Variants in G3BP2 observed in about 807,000 individuals in gnomAD.
G3BP2 encodes the protein G3BP stress granule assembly factor 2.
Under a neutral mutation model 56.7 loss-of-function variants are expected in G3BP2, and 11 were observed. The ratio of observed to expected loss-of-function variants is 0.19; its 90% CI spans 0.12 to 0.32. The LOEUF (loss-of-function observed/expected upper bound fraction) is 0.32. G3BP2 is among the 10% of genes least tolerant of loss of function. The pLI, the probability that G3BP2 is intolerant of heterozygous loss-of-function variation, is 1.00. For synonymous variants in G3BP2, 165 were observed against 191.6 expected, an observed-to-expected ratio of 0.86 and a Z score of 1.15; for missense variants, 340 against 610.9, an observed-to-expected ratio of 0.56 and a Z score of 4.67.
At chr4:75,667,886 T>C (rs775520484) in intron 1 of G3BP2, among the ~76,000 whole-genome samples, 1 of 152,134 alleles carries the variant, frequency 6.6e-6, no homozygotes, top group Non-Finnish European at 1.5e-5. Context: ...CGAAACTCTG[T>C]CTCAAAAAAC....
At chr4:75,661,128 A>C (rs1279325283) in intron 2 of G3BP2, among the ~76,000 whole-genome samples, 1 of 152,136 alleles carries the variant, frequency 6.6e-6, no homozygotes, top group African/African-American at 2.4e-5. Context: ...AGTTGGTCAA[A>C]CCCAAGATAT....
intron 1 of G3BP2, among the ~76,000 whole-genome samples, chr4:75,665,516 T>A (rs1179728028): frequency 6.6e-6 from 1 of 152,088 alleles, no homozygotes; most frequent in Non-Finnish European, 1.5e-5. Context: ...GACGTCGAAG[T>A]GGGCAGACTG....
upstream of G3BP2, among the ~76,000 whole-genome samples, chr4:75,676,731 T>C (rs1456115427): frequency 1.3e-5 from 2 of 152,244 alleles, no homozygotes; most frequent in Non-Finnish European, 1.5e-5. Context: ...TTGGCCTCAA[T>C]GCTTCCACTC....
In G3BP2 at chr4:75,645,423, T is replaced by C; in HGVS notation, c.*7A>G. 1.9e-6 allele frequency: 3 copies of C among 1,609,498 alleles called. No homozygotes were observed. Among genetic ancestry groups the C allele is most frequent in the Non-Finnish European group, 2.5e-6 (3 of 1,177,238 alleles). On this transcript the variant is annotated 3_prime_UTR_variant, in exon 12 of 12. Transcript: ENST00000359707. ...ACCACTGCCAAGACTTTGCCAACAG[T>C]GGAGCTTCAGCGACGCTGTCCTGTG...
Position 75,656,918 on chromosome 4 carries a change from C to A in G3BP2, c.442+6G>T, listed in dbSNP as rs201580410. ...TTCTATCTTCATATCTTCAAAGTAACCTCACCTTCATCAAGTTCAGGCTCA... is the reference window on the plus strand; with the variant it reads ...TTCTATCTTCATATCTTCAAAGTAAACTCACCTTCATCAAGTTCAGGCTCA... On this transcript the variant is annotated splice_donor_region_variant and intron_variant, in intron 5 of 11. Transcript: ENST00000359707. 14 of 1,317,476 alleles carry A rather than the reference C, an allele frequency of 1.1e-5. No individual in the cohort carries two copies. The East Asian group carries it at 2.3e-4, about 22-fold the overall frequency. 81.6% of individuals were successfully genotyped at this position (1,317,476 alleles called of 1,614,324 possible).
chr4:75,673,399 A>T lies in G3BP2; in HGVS notation c.-216T>A. 1 of 1,232,166 alleles carries T rather than the reference A, an allele frequency of 8.1e-7. No individual in the cohort carries two copies. The highest frequency in any genetic ancestry group is 3.2e-5 in the East Asian group (1 of 31,694). 76.3% of individuals were successfully genotyped at this position (1,232,166 alleles called of 1,614,324 possible). A position where few individuals can be genotyped will look rare whatever the true frequency, so the allele number is the denominator to read the frequency against. On this transcript the variant is annotated 5_prime_UTR_variant, in exon 1 of 12. In the 5' UTR this introduces an upstream ATG that the reference lacks. Transcript: ENST00000359707. ...GCGCCAGGCGCTGCGACGTGCGACA[A>T]GGACCACGGACGTCCCGCCCCCTTT...
intron 1 of G3BP2, among the ~76,000 whole-genome samples, chr4:75,667,581 T>C (rs1733152860): frequency 1.3e-5 from 2 of 152,110 alleles, no homozygotes; most frequent in South Asian, 4.1e-4. Flanking sequence ...AAATCCGTCT[T>C]TTACTTGTCA....
chr4:75,692,306 C>T (rs1175862703), intron 3 of G3BP2, among the ~76,000 whole-genome samples: 3 of 151,844 alleles, frequency 2.0e-5, no homozygotes, highest in Non-Finnish European at 4.4e-5. Context: ...GTAACCAGAC[C>T]ACCTGTCAGT....
At chr4:75,700,344 G>A (rs1238192342) in intron 3 of G3BP2, among the ~76,000 whole-genome samples, 3 of 142,838 alleles carry the variant, frequency 2.1e-5, no homozygotes, top group Non-Finnish European at 3.1e-5. Context: ...GAGCCACCAC[G>A]CCCAGCCCTG....
At chr4:75,722,492 A>G (rs141742916) in intron 1 of G3BP2, among the ~76,000 whole-genome samples, 1,756 of 152,274 alleles carry the variant, frequency 0.012, 22 homozygotes, top group Non-Finnish European at 0.018. Flanking sequence ...CACTCCGTCT[A>G]TGAGCCTCAT....
At chr4:75,707,683 C>A (rs1719606785) in intron 3 of G3BP2, among the ~76,000 whole-genome samples, 1 of 151,336 alleles carries the variant, frequency 6.6e-6, no homozygotes, top group African/African-American at 2.4e-5. Flanking sequence ...TTATTATAAT[C>A]CGGTGGTTTA....
chr4:75,643,506 A>C lies in G3BP2; in HGVS notation c.*1924T>G, dbSNP rs961483836. 2.0e-5 allele frequency: 3 copies of C among 151,488 alleles called. No individual in the cohort carries two copies. Among genetic ancestry groups the C allele is most frequent in the Non-Finnish European group, 3.0e-5 (2 of 67,736 alleles). 9.4% of individuals were successfully genotyped at this position (151,488 alleles called of 1,614,324 possible). ...AAAAAAAAAAATCCTTAAGCCCCCC[A>C]AAAATGGAAACTATGAAAATCTGTG... On this transcript the variant is annotated 3_prime_UTR_variant, in exon 12 of 12. Transcript: ENST00000359707.
chr4:75,651,118 G>C (rs1731672502), intron 8 of G3BP2, among the ~76,000 whole-genome samples: 1 of 152,092 alleles, frequency 6.6e-6, no homozygotes, highest in South Asian at 2.1e-4. Flanking sequence ...CAGTTATTTA[G>C]AAACTTCAAC....
intron 3 of G3BP2, among the ~76,000 whole-genome samples, chr4:75,705,046 T>A (rs1008765552): frequency 6.6e-6 from 1 of 152,252 alleles, no homozygotes; most frequent in African/African-American, 2.4e-5. Context: ...TTGAGATTTT[T>A]TTTTTAGTTC....
rs879452884 is a variant in G3BP2 at position 75,681,272 on chromosome 4, C to T, written c.-24-19223G>A. On this transcript the variant is annotated intron_variant, in intron 3 of 3. Coordinates refer to the G3BP2 transcript ENST00000499709. The stretch of plus-strand genomic sequence containing the variant: ...CCGGGAGGCAGAGGTTGCAGTGAGC[C>T]GAGATCGTGCCACTGCACTCCAGCC... 2.3e-4 allele frequency among the ~76,000 whole-genome samples: 35 copies of T among 151,622 alleles called. 1 individual carries two copies. The highest frequency in any genetic ancestry group is 4.7e-4 in the Non-Finnish European group (32 of 67,872).
chr4:75,724,338 T>C (rs1210499934), exon 1 of G3BP2: 3 of 157,328 alleles, frequency 1.9e-5, no homozygotes, highest in Admixed American at 6.2e-5. Flanking sequence ...TCAGATTTGA[T>C]AGCTTGCAGT....
At chr4:75,695,489 G>T (rs1482397198) in intron 3 of G3BP2, among the ~76,000 whole-genome samples, 1 of 152,220 alleles carries the variant, frequency 6.6e-6, no homozygotes, top group Non-Finnish European at 1.5e-5. Flanking sequence ...AGCCAAAAAT[G>T]TGGGTATGGG....
intron 3 of G3BP2, among the ~76,000 whole-genome samples, chr4:75,700,689 G>C (rs1719309620): frequency 6.7e-6 from 1 of 150,144 alleles, no homozygotes; most frequent in South Asian, 2.1e-4. Flanking sequence ...AAAGTGCTGG[G>C]ATTACAGGCA....
intron 1 of G3BP2, among the ~76,000 whole-genome samples, chr4:75,670,854 G>C (rs1431244385): frequency 6.6e-6 from 1 of 152,120 alleles, no homozygotes; most frequent in Non-Finnish European, 1.5e-5. Flanking sequence ...CTTTGGAAGA[G>C]CAGCCAGCTC....
Sources: allele counts gnomAD v4.1 joint callset (sites outside exome capture counted in the v4.1 genomes callset), GRCh38; gene constraint gnomAD v4.1.1; transcripts MANE v1.5; gene names NCBI Gene and HGNC (gene_info 2026-07-23, HGNC 2026-07-21).